Variants in SMYD3 observed in about 807,000 individuals in gnomAD.
The protein encoded by SMYD3 is histone-lysine N-methyltransferase SMYD3.
A neutral mutation model predicts 57.7 loss-of-function variants in SMYD3; 36 were observed. The observed-to-expected ratio is 0.62, with a 90% CI of 0.48 to 0.82. The LOEUF (loss-of-function observed/expected upper bound fraction) is 0.82, where lower values mean the gene tolerates loss of function less well. SMYD3 is among the 40% of genes least tolerant of loss of function. The pLI is 0.00. For missense variants in SMYD3, 515 were observed against 538.8 expected (o/e 0.96, Z 0.44); for synonymous variants, 211 against 195.0 (o/e 1.08, Z -0.68).
At chr1:246,120,078 T>C (rs571920541) in intron 5 of SMYD3, among the ~76,000 whole-genome samples, 2 of 152,264 alleles carry the variant, frequency 1.3e-5, no homozygotes, top group East Asian at 1.9e-4. Flanking sequence ...AATGGGAATA[T>C]GATCTAATGG....
chr1:245,991,235 T>A (rs1166781719), intron 5 of SMYD3, among the ~76,000 whole-genome samples: 3 of 152,170 alleles, frequency 2.0e-5, no homozygotes, highest in Non-Finnish European at 4.4e-5. Flanking sequence ...ATCCTGAGGG[T>A]TTCCTGCCAT....
In SMYD3 at chr1:246,352,090, C is replaced by T. The variant is rs542472641; in HGVS notation, c.228+2941G>A. Among the ~76,000 whole-genome samples the T allele has an allele frequency of 6.6e-4, 89 of 135,590 alleles. 3 individuals are homozygous for T. In the South Asian group the frequency reaches 0.02, roughly 31 times the overall value. 89.0% of individuals were successfully genotyped at this position (135,590 alleles called of 152,430 possible). ...AGGTGGAGGTTGCAGGGAGCTGAGA[C>T]GGCACCACTGCACCCCAGCCTGGGC... On this transcript the variant is annotated intron_variant, in intron 2 of 11. Coordinates refer to ENST00000490107, the MANE Select transcript of SMYD3 (RefSeq NM_001167740.2).
At chr1:245,775,082 C>A (rs1019600220) in intron 10 of SMYD3, among the ~76,000 whole-genome samples, 6 of 152,138 alleles carry the variant, frequency 3.9e-5, no homozygotes, top group African/African-American at 4.8e-5. Flanking sequence ...CCTGCCTTGG[C>A]CTCCCAAAGA....
At chr1:246,056,782 G>C (rs12094046) in intron 5 of SMYD3, among the ~76,000 whole-genome samples, 7,432 of 149,502 alleles carry the variant, frequency 0.05, 233 homozygotes, top group African/African-American at 0.08. Context: ...GAAAAAAAAA[G>C]GACATAAAAT....
chr1:246,330,448 C>CT, intron 4 of SMYD3, 32 bp downstream of exon 4: 1 of 1,512,126 alleles, frequency 6.6e-7, no homozygotes, highest in Non-Finnish European at 8.8e-7. Context: ...ATTATAGAAA[C>CT]TTTTTTAAGA....
chr1:245,908,162 C>T (rs576494691), intron 8 of SMYD3, among the ~76,000 whole-genome samples: 1 of 151,266 alleles, frequency 6.6e-6, no homozygotes, highest in South Asian at 2.1e-4. Flanking sequence ...GGATGACAAA[C>T]AATACTCCAC....
At chr1:245,817,563 C>T (rs1398456732) in intron 10 of SMYD3, among the ~76,000 whole-genome samples, 1 of 152,054 alleles carries the variant, frequency 6.6e-6, no homozygotes, top group Admixed American at 6.5e-5. Flanking sequence ...CTTTGATGAC[C>T]TGAGAGAAGA....
intron 5 of SMYD3, among the ~76,000 whole-genome samples, chr1:246,139,596 A>G (rs1490947933): frequency 6.6e-6 from 1 of 152,232 alleles, no homozygotes; most frequent in East Asian, 1.9e-4. Flanking sequence ...AGTTTGAAAC[A>G]CATTTCTTTA....
At chr1:246,497,141 A>G (rs1292020102) in intron 1 of SMYD3, among the ~76,000 whole-genome samples, 10 of 152,184 alleles carry the variant, frequency 6.6e-5, no homozygotes, top group Non-Finnish European at 1.5e-4. Context: ...GTAGTAATAA[A>G]CTGTAAGGAG....
intron 8 of SMYD3, among the ~76,000 whole-genome samples, chr1:245,874,942 T>C (rs534586240): frequency 7.9e-5 from 12 of 152,310 alleles, no homozygotes; most frequent in African/African-American, 1.4e-4. Context: ...CCAGATTCCA[T>C]GGTACAGCTC....
intron 10 of SMYD3, among the ~76,000 whole-genome samples, chr1:245,795,480 G>A (rs1016619774): frequency 6.6e-6 from 1 of 152,146 alleles, no homozygotes; most frequent in Non-Finnish European, 1.5e-5. Context: ...CTTTATCCGA[G>A]AGCCAGGTAG....
At chr1:246,464,747 G>A (rs1324665606) in intron 1 of SMYD3, among the ~76,000 whole-genome samples, 1 of 152,090 alleles carries the variant, frequency 6.6e-6, no homozygotes, top group Non-Finnish European at 1.5e-5. Context: ...AGATTAGTCT[G>A]GACTTATCAA....
In SMYD3 at chr1:245,929,441, C is replaced by T. The variant is rs114897476; in HGVS notation, c.599+429G>A. On this transcript the variant is annotated intron_variant, in intron 6 of 11. Coordinates refer to ENST00000490107, the MANE Select transcript of SMYD3 (RefSeq NM_001167740.2). ...TCAGGGGCCAAAGCCTGAGAGTTTT[C>T]TTGCCTCCTTGAGTGAAAGGGCTCA... 7.4e-3 allele frequency among the ~76,000 whole-genome samples: 1,132 copies of T among 152,296 alleles called. 18 individuals carry two copies. The highest frequency in any genetic ancestry group is 0.026 in the African/African-American group (1,086 of 41,560).
chr1:245,776,041 CAGT>C (rs111701150), intron 10 of SMYD3, among the ~76,000 whole-genome samples: 97 of 152,228 alleles, frequency 6.4e-4, no homozygotes, highest in African/African-American at 2.1e-3. Flanking sequence ...GCATATGTAT[CAGT>C]AGGAGAAACA....
chr1:246,174,131 TAGA>T (rs773084857), intron 5 of SMYD3, among the ~76,000 whole-genome samples: 3 of 152,028 alleles, frequency 2.0e-5, no homozygotes, highest in African/African-American at 4.8e-5. Context: ...TTTTAATAAG[TAGA>T]AGGAGTGTGC....
intron 5 of SMYD3, among the ~76,000 whole-genome samples, chr1:246,270,081 G>C (rs1236334634): frequency 6.6e-6 from 1 of 152,062 alleles, no homozygotes; most frequent in Non-Finnish European, 1.5e-5. Context: ...CGACAAACAA[G>C]GATTAACTTC....
At chr1:246,036,765 C>G (rs1232897790) in intron 5 of SMYD3, among the ~76,000 whole-genome samples, 1 of 145,044 alleles carries the variant, frequency 6.9e-6, no homozygotes, top group East Asian at 2.2e-4. Context: ...GGGGTTTCAC[C>G]ATCTTAGCCA....
chr1:246,406,729 A>G (rs1446761443), intron 1 of SMYD3, among the ~76,000 whole-genome samples: 5 of 152,244 alleles, frequency 3.3e-5, no homozygotes, highest in African/African-American at 7.2e-5. Flanking sequence ...TAACTAGTGC[A>G]GGATCACATA....
intron 5 of SMYD3, among the ~76,000 whole-genome samples, chr1:246,314,366 A>T (rs1381205501): frequency 6.6e-6 from 1 of 152,192 alleles, no homozygotes; most frequent in South Asian, 2.1e-4. Context: ...AGAACTCTGG[A>T]ATGAAGAAAG....
Sources: gnomAD v4.1 joint callset for allele counts (sites outside exome capture counted in the v4.1 genomes callset) on GRCh38, gnomAD v4.1.1 for gene constraint, MANE v1.5 for transcripts, NCBI Gene and HGNC (gene_info 2026-07-23, HGNC 2026-07-21) for gene names.